Variants in ANXA11 observed in about 807,000 individuals in gnomAD.
The protein encoded by ANXA11 is annexin A11.
Under a neutral mutation model 64.7 loss-of-function variants are expected in ANXA11, and 57 were observed. The observed-to-expected ratio is 0.88, with a 90% CI of 0.71 to 1.10. The LOEUF is 1.10. Among genes scored for constraint, ANXA11 ranks in the 50% least tolerant of loss-of-function variants. The pLI is 0.00. For synonymous variants in ANXA11, 260 were observed against 265.2 expected (o/e 0.98, Z 0.19); for missense variants, 675 against 670.7 (o/e 1.01, Z -0.07).
chr10:80,163,673 C>T, intron 9 of ANXA11, 60 bp from the exon 10 acceptor site: 1 of 1,458,282 alleles, frequency 6.9e-7, no homozygotes, highest in East Asian at 2.5e-5. Flanking sequence ...CTGCCCATTG[C>T]AAAACACTAT....
chr10:80,168,183 C>G (rs1331837722), intron 5 of ANXA11, among the ~76,000 whole-genome samples: 1 of 98,690 alleles, frequency 1.0e-5, no homozygotes, highest in Non-Finnish European at 2.6e-5. Flanking sequence ...CAAGATCAAC[C>G]CTGGAGGAAC....
chr10:80,157,264 G>A, intron 15 of ANXA11: 1 of 985,458 alleles, frequency 1.0e-6, no homozygotes, highest in Non-Finnish European at 1.2e-6. Flanking sequence ...ACGCCATAAA[G>A]CTGAGTGCAG....
At position 80,167,057 on chromosome 10, in the gene ANXA11, T is replaced by C. The variant is rs1484301154; in HGVS notation, c.650-73A>G. On this transcript the variant is annotated intron_variant, in intron 6 of 15. Coordinates refer to ENST00000422982, the MANE Select transcript of ANXA11 (RefSeq NM_145868.2). ...CTCTGCAGCTGAGACTTCCCTGGCC[T>C]GGGCCCCTCAACTGTTCTGGGCATG... The C allele has an allele frequency of 2.9e-6, 4 of 1,367,476 alleles. No homozygotes were observed. In the African/African-American group the frequency reaches 4.3e-5, roughly 15 times the overall value. 84.7% of individuals were successfully genotyped at this position (1,367,476 alleles called of 1,614,324 possible).
At chr10:80,175,261 T>G (rs1846128475) in intron 2 of ANXA11, among the ~76,000 whole-genome samples, 1 of 152,134 alleles carries the variant, frequency 6.6e-6, no homozygotes, top group Non-Finnish European at 1.5e-5. Flanking sequence ...AAATGACCAG[T>G]AGGCCAGGAA....
chr10:80,175,839 C>T (rs1846149463), intron 2 of ANXA11, among the ~76,000 whole-genome samples: 1 of 152,048 alleles, frequency 6.6e-6, no homozygotes, highest in African/African-American at 2.4e-5. Flanking sequence ...GGCAGATCAC[C>T]TGAGGTCAGG....
chr10:80,159,806 C>T (rs1221544800), intron 12 of ANXA11, among the ~76,000 whole-genome samples: 1 of 152,202 alleles, frequency 6.6e-6, no homozygotes, highest in East Asian at 1.9e-4. Context: ...CTCCAGGGCC[C>T]ACTCCCATGT....
At position 80,167,291 on chromosome 10, in the gene ANXA11, G is replaced by A. The variant is rs368892464; in HGVS notation, c.584C>T (p.Thr195Ile). 3 of 1,614,054 alleles carry A rather than the reference G, an allele frequency of 1.9e-6. No homozygotes were observed. Among genetic ancestry groups the A allele is most frequent in the African/African-American group, 2.7e-5 (2 of 74,942 alleles). ...PTQFGSRGTITDAPGFDPLRD... is the reference protein window; with the variant it reads ...PTQFGSRGTIIDAPGFDPLRD... Reference sequence around the variant, plus strand: ...CAGGGGGTCAAAGCCGGGAGCATCAGTGATGGTGCCTCGGCTTCCAAACTA... The same window carrying A: ...CAGGGGGTCAAAGCCGGGAGCATCAATGATGGTGCCTCGGCTTCCAAACTA... Residue 195 changes from threonine to isoleucine, a missense_variant, in exon 6 of 16, where the codon ACT (threonine) becomes ATT (isoleucine). By Grantham distance (89) the Thr-to-Ile change is moderately conservative. Transcript: ENST00000422982.
At chr10:80,159,280 C>T in intron 12 of ANXA11, 85 bp from the exon 13 acceptor site, 2 of 1,041,702 alleles carry the variant, frequency 1.9e-6, no homozygotes, top group Non-Finnish European at 3.0e-6. Context: ...CCCAGGACTT[C>T]AGAATATAAC....
intron 1 of ANXA11, among the ~76,000 whole-genome samples, chr10:80,197,787 A>G (rs1840234159): frequency 6.6e-6 from 1 of 152,088 alleles, no homozygotes; most frequent in Non-Finnish European, 1.5e-5. Context: ...AGCAAAGCGC[A>G]GTGGCGGGCG....
intron 1 of ANXA11, among the ~76,000 whole-genome samples, chr10:80,199,095 C>CTTTTT (rs71482767): frequency 7.5e-6 from 1 of 133,510 alleles, no homozygotes; most frequent in South Asian, 2.4e-4. Flanking sequence ...TCAAGATAAA[C>CTTTTT]TTTTTTTTTT....
chr10:80,194,867 G>A (rs116781727), intron 1 of ANXA11, among the ~76,000 whole-genome samples: 1,865 of 152,290 alleles, frequency 0.012, 49 homozygotes, highest in African/African-American at 0.042. Flanking sequence ...CTCGGCTAGG[G>A]CTGGCAACAG....
At position 80,158,042 on chromosome 10, in the gene ANXA11, C is replaced by T. The variant is rs780842169; in HGVS notation, c.1277-17G>A. The T allele has an allele frequency of 6.8e-6, 11 of 1,613,552 alleles. No individual in the cohort carries two copies. Among genetic ancestry groups the T allele is most frequent in the South Asian group, 3.3e-5 (3 of 91,046 alleles). On this transcript the variant is annotated splice_polypyrimidine_tract_variant and intron_variant, in intron 13 of 15. Transcript: ENST00000422982. The stretch of plus-strand genomic sequence containing the variant: ...GACATTTCACTAGAAGAGAGAAACT[C>T]GGCATAACCAGATCTGCAGAAAATT...
In ANXA11 at chr10:80,164,131, C is replaced by T. The variant is rs199596811; in HGVS notation, c.871G>A (p.Asp291Asn). Residue 291 changes from aspartate (D) to asparagine (N), a missense_variant, in exon 9 of 16, where the codon GAT becomes AAT. Asp to Asn is a conservative substitution (Grantham distance 23). Coordinates refer to ENST00000422982, the MANE Select transcript of ANXA11 (RefSeq NM_145868.2). The part of the protein sequence containing the change: ...IKEAIKGVGT[D>N]EACLIEILAS... ...AGGATCTCAATCAGGCAGGCTTCAT[C>T]AGTGCCAACCCCCTGCAGGGGCAGA... The T allele has an allele frequency of 6.2e-7, 1 of 1,614,066 alleles. No individual in the cohort carries two copies. Among genetic ancestry groups the T allele is most frequent in the Non-Finnish European group, 8.5e-7 (1 of 1,179,930 alleles).
At chr10:80,198,100 G>C (rs1455464919) in intron 1 of ANXA11, among the ~76,000 whole-genome samples, 4 of 152,222 alleles carry the variant, frequency 2.6e-5, no homozygotes, top group Admixed American at 2.0e-4. Flanking sequence ...TTGCCAGCTT[G>C]TGCACCAGCC....
intron 15 of ANXA11, chr10:80,157,126 A>T: frequency 4.1e-6 from 4 of 970,274 alleles, no homozygotes; most frequent in Non-Finnish European, 4.9e-6. Flanking sequence ...TCTTAAAGAC[A>T]ATGGAGCTGG....
intron 8 of ANXA11, 36 bp downstream of exon 8, chr10:80,166,042 GCACACA>G (rs56904277): frequency 2.5e-4 from 115 of 451,700 alleles, no homozygotes; most frequent in Middle Eastern, 3.8e-4. Flanking sequence ...ACACACGCGC[GCACACA>G]CACACACACA....
intron 1 of ANXA11, among the ~76,000 whole-genome samples, chr10:80,178,361 C>T (rs543424317): frequency 9.8e-5 from 15 of 152,356 alleles, no homozygotes; most frequent in South Asian, 4.1e-4. Context: ...CCCCGCTCTA[C>T]GCCTGCTTCT....
At chr10:80,202,205 G>GT (rs1564630649) in intron 1 of ANXA11, among the ~76,000 whole-genome samples, 9 of 150,678 alleles carry the variant, frequency 6.0e-5, no homozygotes, top group African/African-American at 2.2e-4. Flanking sequence ...TGGGGGGGAA[G>GT]CGGGGGGTCT....
rs770705240 is a variant in ANXA11, at chr10:80,169,014, T to C, written c.516A>G (p.Gly172=). The C allele has an allele frequency of 1.9e-6, 3 of 1,547,488 alleles. No individual in the cohort carries two copies. The South Asian group carries it at 3.8e-5, about 20-fold the overall frequency. ...GQQQPVPSYP[G]YPGSGTVTPA... is the part of the protein sequence containing the mutation. ...GGGTGACAGTCCCAGACCCCGGGTA[T>C]CCTGGGTAGCTCGGCACTGGCTGCT... Residue 172 remains glycine (G), a synonymous_variant, in exon 5 of 16, where the codon GGA becomes GGG. Coordinates refer to ENST00000422982, the MANE Select transcript of ANXA11 (RefSeq NM_145868.2).
Sources: allele counts gnomAD v4.1 joint callset (sites outside exome capture counted in the v4.1 genomes callset), GRCh38; gene constraint gnomAD v4.1.1; transcripts MANE v1.5; gene names NCBI Gene and HGNC (gene_info 2026-07-23, HGNC 2026-07-21).